Variants in RNF135 observed in about 807,000 individuals in gnomAD.
RNF135 encodes the protein E3 ubiquitin-protein ligase RNF135.
A neutral mutation model predicts 41.9 loss-of-function variants in RNF135; 46 were observed. The ratio of observed to expected loss-of-function variants is 1.10; its 90% CI spans 0.87 to 1.40. The LOEUF (loss-of-function observed/expected upper bound fraction) is 1.40, where lower values mean the gene tolerates loss of function less well. RNF135 is among the 40% of genes most tolerant of loss of function. The pLI is 0.00. For synonymous variants in RNF135, 238 were observed against 223.8 expected (o/e 1.06, Z -0.57); for missense variants, 539 against 549.8 (o/e 0.98, Z 0.20).
upstream of RNF135, among the ~76,000 whole-genome samples, chr17:30,967,397 T>C (rs2142638272): frequency 6.6e-6 from 1 of 152,358 alleles, no homozygotes; most frequent in Non-Finnish European, 1.5e-5. Flanking sequence ...ATAAAATGTT[T>C]ACTGTCTTTA....
intron 1 of RNF135, among the ~76,000 whole-genome samples, chr17:30,980,653 G>C (rs561352115): frequency 6.6e-5 from 9 of 137,196 alleles, no homozygotes; most frequent in South Asian, 2.6e-4. Context: ...AGACGGAGCG[G>C]CCGGGCAGAG....
At chr17:30,982,451 T>G (rs555807041) in intron 1 of RNF135, among the ~76,000 whole-genome samples, 1 of 152,316 alleles carries the variant, frequency 6.6e-6, no homozygotes, top group East Asian at 1.9e-4. Flanking sequence ...CTTTCCTGAG[T>G]GCACAGATTC....
At chr17:30,980,144 C>T (rs1348539841) in intron 1 of RNF135, 6 of 142,604 alleles carry the variant, frequency 4.2e-5, no homozygotes, top group Non-Finnish European at 7.5e-5. Flanking sequence ...TCCTCACTTC[C>T]CAGTAGGGGC....
At chr17:30,972,427 T>TA (rs1906072695) in intron 1 of RNF135, 1 of 152,146 alleles carries the variant, frequency 6.6e-6, no homozygotes, top group African/African-American at 2.4e-5. Context: ...TTAACCATTT[T>TA]TAAGTGTACA....
chr17:30,963,141 A>G, the RNF135 span, among the ~76,000 whole-genome samples: 1 of 120,466 alleles, frequency 8.3e-6, no homozygotes, highest in Non-Finnish European at 1.6e-5. Flanking sequence ...TATGTTGCCC[A>G]GGTTGGAGCA....
chr17:30,968,390 T>C (rs554139011), upstream of RNF135, among the ~76,000 whole-genome samples: 18 of 150,416 alleles, frequency 1.2e-4, no homozygotes, highest in East Asian at 1.6e-3. Context: ...TTCTTTCTTT[T>C]TTTTTTTTCT....
intron 3 of RNF135, among the ~76,000 whole-genome samples, chr17:30,991,449 T>G (rs1230902476): frequency 6.6e-6 from 1 of 150,676 alleles, no homozygotes; most frequent in Non-Finnish European, 1.5e-5. Context: ...TGAGTCTCGC[T>G]CTTGTTGTCC....
intron 1 of RNF135, among the ~76,000 whole-genome samples, chr17:30,983,351 ATATTTTTT>A (rs1158311706): frequency 1.8e-3 from 75 of 42,026 alleles, no homozygotes; most frequent in African/African-American, 6.9e-3. Flanking sequence ...ATATATATAT[ATATTTTTT>A]TTTTTTTTTT....
chr17:30,979,304 A>C (rs1906773099), intron 1 of RNF135: 1 of 115,050 alleles, frequency 8.7e-6, no homozygotes, highest in African/African-American at 3.5e-5. Context: ...ACTTCCCAGT[A>C]GGGGCGGCCG....
chr17:30,990,275 C>T (rs1463488204), intron 3 of RNF135, among the ~76,000 whole-genome samples: 2 of 152,114 alleles, frequency 1.3e-5, no homozygotes, highest in African/African-American at 4.8e-5. Context: ...GTAATCCCAG[C>T]ACTTTGTGAG....
chr17:30,983,158 CATTT>C (rs1156921614), intron 1 of RNF135, among the ~76,000 whole-genome samples: 5 of 151,326 alleles, frequency 3.3e-5, no homozygotes, highest in East Asian at 1.9e-4. Flanking sequence ...CTTATTCATT[CATTT>C]GTCTGCAGAT....
chr17:30,998,644 CT>C lies in RNF135; in HGVS notation c.770-7del, dbSNP rs111718437. On this transcript the variant is annotated splice_polypyrimidine_tract_variant and intron_variant, in intron 4 of 4. Coordinates refer to ENST00000328381, the MANE Select transcript of RNF135 (RefSeq NM_032322.4). ...GATGACCGGCCATGTTCTTATTGTT[CT>C]TTTTTTTTTTCCAAAGGGGCCATCC... 6.4e-3 allele frequency: 7,135 copies of C among 1,116,078 alleles called. No individual in the cohort carries two copies. The highest frequency in any genetic ancestry group is 8.2e-3 in the Admixed American group (365 of 44,764). 69.1% of individuals were successfully genotyped at this position (1,116,078 alleles called of 1,614,324 possible).
chr17:30,960,744 ATTTTTTTTT>A, the RNF135 span, among the ~76,000 whole-genome samples: 1 of 134,652 alleles, frequency 7.4e-6, no homozygotes, highest in African/African-American at 3.0e-5. Flanking sequence ...ATTTTATTTT[ATTTTTTTTT>A]TTTTGAGACA....
the RNF135 span, among the ~76,000 whole-genome samples, chr17:30,960,410 G>GA: frequency 7.1e-3 from 884 of 125,174 alleles, 11 homozygotes; most frequent in African/African-American, 0.023. Flanking sequence ...AAAAGAAAAA[G>GA]AAAAAAAAAA....
chr17:30,983,578 T>G (rs1907376380), intron 1 of RNF135, among the ~76,000 whole-genome samples: 1 of 151,300 alleles, frequency 6.6e-6, no homozygotes, highest in Admixed American at 6.6e-5. Flanking sequence ...GATCTCGAAC[T>G]CTTGACCTCA....
At chr17:30,983,804 G>T (rs1192652946) in intron 1 of RNF135, among the ~76,000 whole-genome samples, 2 of 151,358 alleles carry the variant, frequency 1.3e-5, no homozygotes, top group African/African-American at 4.9e-5. Flanking sequence ...TAATGAGTGT[G>T]AGGTGGTATC....
the RNF135 span, among the ~76,000 whole-genome samples, chr17:30,965,692 T>C: frequency 2.0e-5 from 3 of 151,684 alleles, no homozygotes; most frequent in South Asian, 2.1e-4. Flanking sequence ...AGGTTGGCCA[T>C]GTGGGAGAAG....
Position 30,979,962 on chromosome 17 carries a change from C to T in RNF135, c.373-4655C>T, listed in dbSNP as rs1318670856. Among the ~76,000 whole-genome samples the T allele has an allele frequency of 1.8e-3, 161 of 90,042 alleles. 1 individual carries two copies. Among genetic ancestry groups the T allele is most frequent in the African/African-American group, 5.4e-3 (114 of 21,128 alleles). 59.1% of individuals were successfully genotyped at this position (90,042 alleles called of 152,430 possible). A position where few individuals can be genotyped will look rare whatever the true frequency, so the allele number is the denominator to read the frequency against. On this transcript the variant is annotated intron_variant, in intron 1 of 4. Coordinates refer to ENST00000328381, the MANE Select transcript of RNF135 (RefSeq NM_032322.4). ...GCAGAGGCGCCCCTCACCTCCCGGA[C>T]GGGGCGGCTGGCCAGGCGGGGGGCT...
Position 30,999,035 on chromosome 17 carries a change from C to T in RNF135, c.1143C>T (p.Asn381=), listed in dbSNP as rs920065854. The stretch of plus-strand genomic sequence containing the variant: ...CTGGGGTGGTGGGCATCTGGCTGAA[C>T]CTTGAGGAGGGAAAGCTTGCCTTCT... ...DRPGVVGIWL[N]LEEGKLAFYS... Residue 381 remains asparagine, a synonymous_variant, in exon 5 of 5, where the codon AAC becomes AAT. Coordinates refer to ENST00000328381, the MANE Select transcript of RNF135 (RefSeq NM_032322.4). 1.9e-6 allele frequency: 3 copies of T among 1,614,160 alleles called. No individual in the cohort carries two copies. The highest frequency in any genetic ancestry group is 2.5e-6 in the Non-Finnish European group (3 of 1,180,034).
Sources: gnomAD v4.1 joint callset for allele counts (sites outside exome capture counted in the v4.1 genomes callset) on GRCh38, gnomAD v4.1.1 for gene constraint, MANE v1.5 for transcripts, NCBI Gene and HGNC (gene_info 2026-07-23, HGNC 2026-07-21) for gene names.